ICE1: variants seen among roughly 807,000 people sequenced by gnomAD.
The protein encoded by ICE1 is interactor of little elongation complex ELL subunit 1.
In ICE1, 64 loss-of-function variants were observed where a neutral mutation model predicts 192.7. The ratio of observed to expected loss-of-function variants is 0.33; its 90% CI spans 0.27 to 0.41. ICE1 has a LOEUF of 0.41. ICE1 is among the 10% of genes least tolerant of loss of function. The probability of loss-of-function intolerance (pLI) is 1.00; values close to 1 mark genes in which losing one functional copy is unlikely to be tolerated. For synonymous variants in ICE1, 1,010 were observed against 984.5 expected, an observed-to-expected ratio of 1.03 and a Z score of -0.49; for missense variants, 2,708 against 2,696.0, an observed-to-expected ratio of 1.00 and a Z score of -0.10.
In ICE1 at chr5:5,476,094, T is replaced by C. The variant is rs376714131; in HGVS notation, c.6520+15T>C. 21 of 1,454,738 alleles carry C rather than the reference T, an allele frequency of 1.4e-5. No individual in the cohort carries two copies. In the African/African-American group the frequency reaches 2.3e-4, roughly 16 times the overall value. The allele number at this position is 1,454,738 out of a possible 1,614,324, so 90.1% of individuals were successfully genotyped here. ...GAGGCTGATTGGTAAGTTGTCTGTT[T>C]TATTATTGTTTTTTTCTTGTTATTG... On this transcript the variant is annotated intron_variant, in intron 17 of 18. Coordinates refer to ENST00000296564, the MANE Select transcript of ICE1 (RefSeq NM_015325.3).
intron 1 of ICE1, 124 bp downstream of exon 1, chr5:5,423,123 A>T (rs1168288882): frequency 6.2e-6 from 3 of 481,446 alleles, no homozygotes; most frequent in Non-Finnish European, 3.3e-6. Context: ...TCCCAACCGT[A>T]GCTCTTGCTC....
At chr5:5,473,084 C>G (rs989050494) in intron 15 of ICE1, among the ~76,000 whole-genome samples, 1 of 152,128 alleles carries the variant, frequency 6.6e-6, no homozygotes, top group Non-Finnish European at 1.5e-5. Flanking sequence ...GGATAAATAT[C>G]ATAACACATT....
At chr5:5,443,449 A>G (rs919395541) in intron 6 of ICE1, among the ~76,000 whole-genome samples, 1 of 152,184 alleles carries the variant, frequency 6.6e-6, no homozygotes, top group Non-Finnish European at 1.5e-5. Flanking sequence ...CATAAGGAAC[A>G]TTAAATAAAT....
intron 3 of ICE1, among the ~76,000 whole-genome samples, chr5:5,439,476 T>A (rs1481816942): frequency 6.6e-6 from 1 of 152,202 alleles, no homozygotes; most frequent in Non-Finnish European, 1.5e-5. Flanking sequence ...CAAAACATGC[T>A]TATATATGGT....
intron 1 of ICE1, among the ~76,000 whole-genome samples, chr5:5,424,088 C>A (rs914750384): frequency 6.6e-6 from 1 of 152,014 alleles, no homozygotes; most frequent in South Asian, 2.1e-4. Context: ...GGAAAGGTTC[C>A]TTTGGTGAGA....
At chr5:5,449,850 T>C (rs187708690) in intron 10 of ICE1, among the ~76,000 whole-genome samples, 1 of 152,238 alleles carries the variant, frequency 6.6e-6, no homozygotes, top group East Asian at 1.9e-4. Flanking sequence ...ATTGGGTAAT[T>C]ATGGCCACTT....
intron 10 of ICE1, among the ~76,000 whole-genome samples, 157 bp downstream of exon 10, chr5:5,448,054 A>G (rs934748721): frequency 2.6e-5 from 4 of 152,216 alleles, no homozygotes; most frequent in African/African-American, 9.6e-5. Context: ...ATTAGATCCA[A>G]ATATAATCAG....
At chr5:5,452,909 G>T (rs970470478) in intron 10 of ICE1, among the ~76,000 whole-genome samples, 1 of 152,138 alleles carries the variant, frequency 6.6e-6, no homozygotes, top group Non-Finnish European at 1.5e-5. Flanking sequence ...GGAAAGTTGT[G>T]CAATTCACTT....
At chr5:5,455,883 C>T (rs1738567675) in intron 11 of ICE1, among the ~76,000 whole-genome samples, 2 of 152,160 alleles carry the variant, frequency 1.3e-5, no homozygotes, top group South Asian at 2.1e-4. Context: ...TCCTTTCTTT[C>T]CAGGATGCAG....
chr5:5,460,138 T>G (rs1459999668), intron 12 of ICE1, among the ~76,000 whole-genome samples: 1 of 151,886 alleles, frequency 6.6e-6, no homozygotes, highest in East Asian at 1.9e-4. Flanking sequence ...TAGGAATGTT[T>G]GAAAGTTAAG....
chr5:5,483,683 A>C (rs1386424195), intron 17 of ICE1, among the ~76,000 whole-genome samples: 1 of 152,128 alleles, frequency 6.6e-6, no homozygotes, highest in Non-Finnish European at 1.5e-5. Context: ...GTGGAGTGTA[A>C]ATCTGTAGAA....
chr5:5,453,602 C>G (rs987407703), intron 10 of ICE1, among the ~76,000 whole-genome samples: 4 of 152,032 alleles, frequency 2.6e-5, no homozygotes, highest in African/African-American at 9.7e-5. Flanking sequence ...TTTTAGGTGG[C>G]CTGAAAGTTG....
chr5:5,442,391 TTATAGA>T (rs1738077192), intron 5 of ICE1, among the ~76,000 whole-genome samples: 1 of 152,206 alleles, frequency 6.6e-6, no homozygotes, highest in Non-Finnish European at 1.5e-5. Context: ...ATTTTCCTCT[TTATAGA>T]AATTCTTACT....
At chr5:5,433,374 T>A (rs933179611) in intron 1 of ICE1, among the ~76,000 whole-genome samples, 1 of 152,178 alleles carries the variant, frequency 6.6e-6, no homozygotes, top group African/African-American at 2.4e-5. Context: ...CTCAAAAGAA[T>A]CCATGTTACT....
chr5:5,422,706 G>C lies in ICE1; in HGVS notation c.-210G>C. 1 of 351,358 alleles carries C rather than the reference G, an allele frequency of 2.8e-6. No homozygotes were observed. The highest frequency in any genetic ancestry group is 5.1e-6 in the Non-Finnish European group (1 of 196,772). 21.8% of individuals were successfully genotyped at this position (351,358 alleles called of 1,614,324 possible). On this transcript the variant is annotated 5_prime_UTR_variant, in exon 1 of 19. Transcript: ENST00000296564. ...TGCGTCGCGCTCGGGGGCCGCGCCG[G>C]GTAGCGTTTCTTTTTAGTGCCTGAG...
Position 5,441,201 on chromosome 5 carries a change from A to G in ICE1, c.287A>G (p.Lys96Arg), listed in dbSNP as rs72646675. 4,261 of 1,557,712 alleles carry G rather than the reference A, an allele frequency of 2.7e-3. 15 individuals are homozygous for G. The highest frequency in any genetic ancestry group is 3.0e-3 in the Non-Finnish European group (3,436 of 1,148,634). The change falls in exon 5 of 19, where the codon AAA becomes AGA. Residue 96 changes from lysine (K) to arginine (R), a missense_variant. Physicochemically the swap from Lys to Arg is conservative, Grantham distance 26. This residue lies in a region of ICE1 where 2,366 missense variants were observed against 2,276.6 expected (regional missense o/e 1.04). Coordinates refer to ENST00000296564, the MANE Select transcript of ICE1 (RefSeq NM_015325.3). ...QKCQEELGSL[K>R]AELEEKKSSL... is the part of the protein sequence containing the mutation. ...TGTCAGGAAGAACTGGGATCTTTAA[A>G]AGCAGAGCTAGAAGAGAAAAAGGTA... is the stretch of plus-strand genomic sequence containing the variant.
At chr5:5,442,014 A>T (rs1317563749) in intron 5 of ICE1, among the ~76,000 whole-genome samples, 1 of 152,204 alleles carries the variant, frequency 6.6e-6, no homozygotes, top group African/African-American at 2.4e-5. Context: ...TTGGGAGAAG[A>T]TGCCCACTTC....
At chr5:5,448,146 T>G (rs145108678) in intron 10 of ICE1, among the ~76,000 whole-genome samples, 5 of 152,328 alleles carry the variant, frequency 3.3e-5, no homozygotes, top group Non-Finnish European at 5.9e-5. Flanking sequence ...GTTGGAGATA[T>G]AACATCTGCT....
Position 5,483,413 on chromosome 5 carries a change from C to CATT in ICE1, c.6521-3307_6521-3305dup, listed in dbSNP as rs140788215. Among the ~76,000 whole-genome samples, 386 of 152,330 alleles carry CATT rather than the reference C, an allele frequency of 2.5e-3. 1 individual carries two copies. The highest frequency in any genetic ancestry group is 9.0e-3 in the African/African-American group (373 of 41,570). ...ATCTAATGTTGGATTCAGGTGTGAG[C>CATT]ATTGCTAACAGCAAATGGTCACAGG... On this transcript the variant is annotated intron_variant, in intron 17 of 18. Transcript: ENST00000296564.
Sources: gnomAD v4.1 joint callset for allele counts (sites outside exome capture counted in the v4.1 genomes callset) on GRCh38, gnomAD v4.1.1 for gene constraint, gnomAD v4.1.1 regional missense constraint, MANE v1.5 for transcripts, NCBI Gene and HGNC (gene_info 2026-07-23, HGNC 2026-07-21) for gene names.